Variants in BABAM2 observed in about 807,000 individuals in gnomAD.
The protein encoded by BABAM2 is BRISC and BRCA1 A complex member 2.
In BABAM2, 31 loss-of-function variants were observed where a neutral mutation model predicts 54.7. The ratio of observed to expected loss-of-function variants is 0.57; its 90% CI spans 0.43 to 0.77. The LOEUF (loss-of-function observed/expected upper bound fraction) is 0.77, where lower values mean the gene tolerates loss of function less well. BABAM2 is among the 30% of genes least tolerant of loss of function. BABAM2 has a pLI of 0.00. For synonymous variants in BABAM2, 167 were observed against 162.9 expected (o/e 1.03, Z -0.19); for missense variants, 364 against 455.8 (o/e 0.80, Z 1.83).
At chr2:28,005,891 C>A (rs2148521161) in intron 4 of BABAM2, among the ~76,000 whole-genome samples, 1 of 152,184 alleles carries the variant, frequency 6.6e-6, no homozygotes, top group East Asian at 1.9e-4. Context: ...GACACTTCAT[C>A]TGTAAATATT....
chr2:28,288,242 G>C (rs1686984329), intron 10 of BABAM2, among the ~76,000 whole-genome samples: 1 of 151,982 alleles, frequency 6.6e-6, no homozygotes, highest in Non-Finnish European at 1.5e-5. Context: ...CTTCATCTTT[G>C]TGTCACCTAT....
rs151112867 is a variant in BABAM2 at position 28,236,833 on chromosome 2, A to G, written c.681-369A>G. The stretch of plus-strand genomic sequence containing the variant: ...GTGTTGCAGCAATTCATTTTAGTTC[A>G]GTTTCAATGTTTAATGAATAACTTA... On this transcript the variant is annotated intron_variant, in intron 7 of 11. Coordinates refer to ENST00000379624, the MANE Select transcript of BABAM2 (RefSeq NM_199191.3). Among the ~76,000 whole-genome samples, 64 of 152,294 alleles carry G rather than the reference A, an allele frequency of 4.2e-4. 1 individual carries two copies. In the East Asian group the frequency reaches 0.012, roughly 29 times the overall value.
intron 7 of BABAM2, among the ~76,000 whole-genome samples, chr2:28,168,145 TCCC>T (rs1673913072): frequency 6.6e-6 from 1 of 152,160 alleles, no homozygotes; most frequent in African/African-American, 2.4e-5. Context: ...TAAAAGGTGT[TCCC>T]GTGGTCTAGA....
chr2:28,108,309 C>T (rs1023887438), intron 6 of BABAM2, among the ~76,000 whole-genome samples: 2 of 152,046 alleles, frequency 1.3e-5, no homozygotes, highest in Admixed American at 6.6e-5. Context: ...TGAATCATTC[C>T]AATGTGAACT....
At chr2:28,230,890 G>C (rs2148039653) in intron 7 of BABAM2, among the ~76,000 whole-genome samples, 1 of 152,132 alleles carries the variant, frequency 6.6e-6, no homozygotes, top group Non-Finnish European at 1.5e-5. Flanking sequence ...AGATGACAAG[G>C]TGATTAATTT....
At chr2:28,046,774 T>A (rs982365442) in intron 6 of BABAM2, among the ~76,000 whole-genome samples, 1 of 151,976 alleles carries the variant, frequency 6.6e-6, no homozygotes, top group Non-Finnish European at 1.5e-5. Context: ...GAATTTTTTT[T>A]AATACATTCC....
At chr2:28,180,722 C>G (rs1176732001) in intron 7 of BABAM2, among the ~76,000 whole-genome samples, 1 of 151,928 alleles carries the variant, frequency 6.6e-6, no homozygotes, top group Non-Finnish European at 1.5e-5. Context: ...ATTCATCTGC[C>G]AAGGACTAAT....
intron 6 of BABAM2, among the ~76,000 whole-genome samples, chr2:28,096,170 C>T (rs1367830721): frequency 6.6e-6 from 1 of 152,078 alleles, no homozygotes; most frequent in African/African-American, 2.4e-5. Flanking sequence ...TAGTAGTCCT[C>T]ACAACCGAGT....
At chr2:28,015,874 G>C (rs771044186) in intron 4 of BABAM2, 112 of 631,416 alleles carry the variant, frequency 1.8e-4, no homozygotes, top group Non-Finnish European at 2.0e-4. Flanking sequence ...CCTCTTTTTT[G>C]CTCGTACCTC....
At chr2:28,137,012 C>T (rs767718385) in intron 7 of BABAM2, among the ~76,000 whole-genome samples, 4 of 151,748 alleles carry the variant, frequency 2.6e-5, no homozygotes, top group Non-Finnish European at 5.9e-5. Flanking sequence ...GATATCTTAA[C>T]AGAATGGAAA....
intron 6 of BABAM2, among the ~76,000 whole-genome samples, chr2:28,088,398 A>T (rs1461353796): frequency 6.6e-6 from 1 of 151,998 alleles, no homozygotes; most frequent in African/African-American, 2.4e-5. Context: ...GTTCTTTACA[A>T]CTCCAGTGAT....
chr2:28,076,816 TA>T (rs1181148116), intron 6 of BABAM2, among the ~76,000 whole-genome samples: 48 of 152,312 alleles, frequency 3.2e-4, no homozygotes, highest in Admixed American at 1.2e-3. Flanking sequence ...TGAACATTTT[TA>T]ATAGAAAGTT....
At chr2:28,315,941 A>T (rs1278354787) in intron 11 of BABAM2, among the ~76,000 whole-genome samples, 1 of 152,136 alleles carries the variant, frequency 6.6e-6, no homozygotes, top group African/African-American at 2.4e-5. Flanking sequence ...ACTATAAAGG[A>T]ATGTTTGGCT....
At chr2:28,029,944 C>A (rs1297288201) in intron 5 of BABAM2, among the ~76,000 whole-genome samples, 1 of 152,122 alleles carries the variant, frequency 6.6e-6, no homozygotes, top group Non-Finnish European at 1.5e-5. Context: ...AAATAATCAA[C>A]TTAATTGTCC....
intron 4 of BABAM2, among the ~76,000 whole-genome samples, chr2:28,006,401 G>A (rs1673980588): frequency 6.6e-6 from 1 of 151,954 alleles, no homozygotes; most frequent in South Asian, 2.1e-4. Flanking sequence ...ACATATAGAG[G>A]CATCTTTAGA....
At chr2:27,996,617 G>C (rs1215976686) in intron 4 of BABAM2, among the ~76,000 whole-genome samples, 1 of 152,026 alleles carries the variant, frequency 6.6e-6, no homozygotes, top group Non-Finnish European at 1.5e-5. Flanking sequence ...ATTCATCAAA[G>C]TCTTGAGAGG....
At chr2:27,916,371 A>G (rs959668204) in intron 2 of BABAM2, among the ~76,000 whole-genome samples, 22 of 152,248 alleles carry the variant, frequency 1.4e-4, no homozygotes, top group Non-Finnish European at 1.5e-5. Flanking sequence ...CATTGAATGT[A>G]TGAAAATGGT....
intron 2 of BABAM2, 115 bp from the exon 3 acceptor site, chr2:27,929,717 T>G (rs1280455184): frequency 1.2e-6 from 1 of 863,730 alleles, no homozygotes; most frequent in East Asian, 2.7e-5. Flanking sequence ...TGTAAGCCAG[T>G]GTTTTAATCT....
At chr2:28,049,902 T>C (rs1028792704) in intron 6 of BABAM2, among the ~76,000 whole-genome samples, 1 of 152,222 alleles carries the variant, frequency 6.6e-6, no homozygotes, top group African/African-American at 2.4e-5. Flanking sequence ...CTCCTCAGCC[T>C]GACATTGGCC....
Sources: gnomAD v4.1 joint callset for allele counts (sites outside exome capture counted in the v4.1 genomes callset) on GRCh38, gnomAD v4.1.1 for gene constraint, MANE v1.5 for transcripts, NCBI Gene and HGNC (gene_info 2026-07-23, HGNC 2026-07-21) for gene names.